Variants in MYO10 observed in about 807,000 individuals in gnomAD.
The protein encoded by MYO10 is myosin X, also known as unconventional myosin-X.
MYO10 carries 133 observed loss-of-function variants against 257.3 expected under a neutral mutation model. The observed-to-expected ratio is 0.52, with a 90% CI of 0.45 to 0.60. MYO10 has a LOEUF of 0.60. Among genes scored for constraint, MYO10 ranks in the 20% least tolerant of loss-of-function variants. The pLI is 0.00. For synonymous variants in MYO10, 1,104 were observed against 1,028.6 expected (o/e 1.07, Z -1.40); for missense variants, 2,399 against 2,635.7 (o/e 0.91, Z 1.97).
chr5:16,704,397 G>A (rs1579865840), intron 22 of MYO10, among the ~76,000 whole-genome samples, 182 bp downstream of exon 22: 1 of 152,220 alleles, frequency 6.6e-6, no homozygotes, highest in South Asian at 2.1e-4. Flanking sequence ...AAAAAGTGCA[G>A]AGCTCCCTTT....
chr5:16,855,357 G>A (rs1039426046), intron 2 of MYO10, among the ~76,000 whole-genome samples: 3 of 152,192 alleles, frequency 2.0e-5, no homozygotes, highest in South Asian at 2.1e-4. Flanking sequence ...GTCTACACTC[G>A]CTGGTGCTAC....
intron 4 of MYO10, among the ~76,000 whole-genome samples, chr5:16,787,177 CT>C (rs201031709): frequency 4.0e-5 from 6 of 150,904 alleles, no homozygotes; most frequent in Non-Finnish European, 8.9e-5. Context: ...CCCTGTCTCT[CT>C]TTTTTTTTGA....
intron 1 of MYO10, among the ~76,000 whole-genome samples, chr5:16,923,887 C>A (rs369836867): frequency 6.6e-6 from 1 of 152,088 alleles, no homozygotes; most frequent in Non-Finnish European, 1.5e-5. Context: ...CTCAGGAGTT[C>A]GAGACCAGCC....
At chr5:16,796,066 G>A (rs1009190131) in intron 3 of MYO10, among the ~76,000 whole-genome samples, 3 of 151,376 alleles carry the variant, frequency 2.0e-5, no homozygotes, top group Admixed American at 6.6e-5. Flanking sequence ...GCACACACCT[G>A]TAATCCCAGC....
intron 19 of MYO10, 146 bp downstream of exon 19, chr5:16,754,682 A>G: frequency 2.1e-6 from 1 of 467,490 alleles, no homozygotes; most frequent in Non-Finnish European, 3.7e-6. Flanking sequence ...GAACTTTTTC[A>G]TTTCATGTCA....
intron 37 of MYO10, among the ~76,000 whole-genome samples, chr5:16,672,134 A>C (rs893094694): frequency 6.6e-6 from 1 of 152,050 alleles, no homozygotes; most frequent in Non-Finnish European, 1.5e-5. Flanking sequence ...ATCTGTACTA[A>C]AAATACAAAA....
chr5:16,782,256 T>C (rs1260732889), intron 5 of MYO10, among the ~76,000 whole-genome samples: 1 of 152,160 alleles, frequency 6.6e-6, no homozygotes, highest in Non-Finnish European at 1.5e-5. Flanking sequence ...AAGTGTAAGA[T>C]GGAGTCTGAC....
chr5:16,847,324 T>G (rs1743664977), intron 2 of MYO10, among the ~76,000 whole-genome samples: 1 of 150,794 alleles, frequency 6.6e-6, no homozygotes, highest in Admixed American at 6.6e-5. Flanking sequence ...CTCAGGAGGC[T>G]GAGGCAGGAG....
chr5:16,801,359 A>C (rs253339), intron 3 of MYO10, among the ~76,000 whole-genome samples: 151,101 of 152,154 alleles, frequency 0.99, 75,028 homozygotes, highest in Middle Eastern at 1. Flanking sequence ...AGGCGCCCAC[A>C]ACCACACCTG....
chr5:16,898,413 CTTT>C (rs34185618), intron 1 of MYO10, among the ~76,000 whole-genome samples: 9,396 of 136,864 alleles, frequency 0.069, 550 homozygotes, highest in African/African-American at 0.17. Flanking sequence ...ATTTCTTTCT[CTTT>C]TTTTTTTTTT....
chr5:16,798,850 C>T (rs747674818), intron 3 of MYO10, among the ~76,000 whole-genome samples: 2 of 152,188 alleles, frequency 1.3e-5, no homozygotes, highest in Admixed American at 6.5e-5. Context: ...ATCAACACGG[C>T]GGGCTCAACT....
At position 16,762,115 on chromosome 5, in the gene MYO10, TAAAAAAAAAAAA is replaced by T. The variant is rs746751894; in HGVS notation, c.1588-14_1588-3del. The T allele has an allele frequency of 4.2e-5, 24 of 567,580 alleles. No individual in the cohort carries two copies. Among genetic ancestry groups the T allele is most frequent in the Middle Eastern group, 5.6e-4 (1 of 1,784 alleles). The allele number at this position is 567,580 out of a possible 1,614,324, so 35.2% of individuals were successfully genotyped here. On this transcript the variant is annotated splice_polypyrimidine_tract_variant and splice_region_variant and intron_variant, in intron 15 of 40. Transcript: ENST00000513610. The stretch of plus-strand genomic sequence containing the variant: ...GGGCTTCACATAAAAGTGGTTATTC[TAAAAAAAAAAAA>T]AAAAAAAAAAAAAAAAATACAATGC...
Position 16,723,839 on chromosome 5 carries a change from A to G in MYO10, c.1930-12594T>C, listed in dbSNP as rs569931901. On this transcript the variant is annotated intron_variant, in intron 19 of 40. Transcript: ENST00000513610. ...TCAAGTGCATACATAGTGCTAGGTG[A>G]AAGATGTCAGTCTGAAATGGCTATA... Among the ~76,000 whole-genome samples the G allele has an allele frequency of 9.8e-5, 15 of 152,368 alleles. No individual in the cohort carries two copies. In the East Asian group the frequency reaches 2.9e-3, roughly 29 times the overall value.
At chr5:16,743,179 C>T (rs1443394331) in intron 19 of MYO10, among the ~76,000 whole-genome samples, 1 of 152,150 alleles carries the variant, frequency 6.6e-6, no homozygotes, top group Non-Finnish European at 1.5e-5. Flanking sequence ...AGTAAGTACA[C>T]AGAGGAAATG....
intron 1 of MYO10, among the ~76,000 whole-genome samples, chr5:16,906,569 TC>T (rs1437329469): frequency 6.6e-6 from 1 of 152,140 alleles, no homozygotes; most frequent in Non-Finnish European, 1.5e-5. Context: ...CAACTTTAAA[TC>T]ATTAACTACC....
chr5:16,838,897 T>C (rs1300766343), intron 2 of MYO10, among the ~76,000 whole-genome samples: 1 of 152,202 alleles, frequency 6.6e-6, no homozygotes, highest in Non-Finnish European at 1.5e-5. Flanking sequence ...TGCCAGTACA[T>C]CTGTTTACAG....
At chr5:16,851,876 C>T (rs986496156) in intron 2 of MYO10, among the ~76,000 whole-genome samples, 1 of 151,852 alleles carries the variant, frequency 6.6e-6, no homozygotes, top group African/African-American at 2.4e-5. Flanking sequence ...CATGATGAAA[C>T]CCTGTCCGTA....
chr5:16,889,048 C>T (rs1010284039), intron 1 of MYO10, among the ~76,000 whole-genome samples: 1 of 151,984 alleles, frequency 6.6e-6, no homozygotes, highest in African/African-American at 2.4e-5. Context: ...TGGCACATGC[C>T]TGTAGTCCCA....
chr5:16,750,956 T>C lies in MYO10; in HGVS notation c.1929+3872A>G, dbSNP rs1040274916. 5.9e-5 allele frequency among the ~76,000 whole-genome samples: 9 copies of C among 152,180 alleles called. No homozygotes were observed. In the East Asian group the frequency reaches 9.7e-4, roughly 16 times the overall value. ...GTTGTGGTGAGCTGAGATTGCACCA[T>C]TGCACTCCAGCCTGGGTAACAAGAG... On this transcript the variant is annotated intron_variant, in intron 19 of 40. Transcript: ENST00000513610.
Sources: gnomAD v4.1 joint callset for allele counts (sites outside exome capture counted in the v4.1 genomes callset) on GRCh38, gnomAD v4.1.1 for gene constraint, MANE v1.5 for transcripts, NCBI Gene and HGNC (gene_info 2026-07-23, HGNC 2026-07-21) for gene names.